The following UBE4B variants were observed in gnomAD, a reference collection of about 807,000 sequenced individuals.
UBE4B encodes the protein ubiquitination factor E4B.
A neutral mutation model predicts 148.1 loss-of-function variants in UBE4B; 27 were observed. That is an observed-to-expected ratio of 0.18 (90% CI 0.13 to 0.25). The LOEUF (loss-of-function observed/expected upper bound fraction) is 0.25, where lower values mean the gene tolerates loss of function less well. Among genes scored for constraint, UBE4B ranks in the 10% least tolerant of loss-of-function variants. The pLI, the probability that UBE4B is intolerant of heterozygous loss-of-function variation, is 1.00. For synonymous variants in UBE4B, 596 were observed against 619.3 expected (o/e 0.96, Z 0.56); for missense variants, 1,170 against 1,662.4 (o/e 0.70, Z 5.15).
chr1:10,111,679 A>C (rs1645224385), intron 7 of UBE4B, among the ~76,000 whole-genome samples: 1 of 152,222 alleles, frequency 6.6e-6, no homozygotes, highest in Admixed American at 6.5e-5. Flanking sequence ...ATGCAAGGCC[A>C]GGCGCGGTGG....
At chr1:10,057,478 G>A (rs1470266105) in intron 1 of UBE4B, among the ~76,000 whole-genome samples, 1 of 144,974 alleles carries the variant, frequency 6.9e-6, no homozygotes. Context: ...GTGCAGTGGC[G>A]TGATCATGAC....
intron 1 of UBE4B, among the ~76,000 whole-genome samples, chr1:10,048,112 G>T (rs1057318949): frequency 1.3e-5 from 2 of 152,124 alleles, no homozygotes. Context: ...GCTTCCCAAG[G>T]CCCTGGGATT....
At chr1:10,175,995 C>T (rs1646424409) in intron 25 of UBE4B, among the ~76,000 whole-genome samples, 1 of 152,158 alleles carries the variant, frequency 6.6e-6, no homozygotes, top group African/African-American at 2.4e-5. Flanking sequence ...TCTAGACCCC[C>T]TTGCCCCAGC....
intron 2 of UBE4B, among the ~76,000 whole-genome samples, chr1:10,088,476 A>G (rs1644797040): frequency 6.6e-6 from 1 of 151,860 alleles, no homozygotes; most frequent in Admixed American, 6.6e-5. Context: ...CCCGGGTTCA[A>G]GAAATTCTCC....
At chr1:10,114,997 G>T (rs1645284012) in intron 7 of UBE4B, among the ~76,000 whole-genome samples, 1 of 152,136 alleles carries the variant, frequency 6.6e-6, no homozygotes, top group Admixed American at 6.6e-5. Context: ...GGAGTTGGCT[G>T]CCTTGTTCCT....
At chr1:10,058,955 A>G (rs949750485) in intron 1 of UBE4B, 3 of 152,206 alleles carry the variant, frequency 2.0e-5, no homozygotes, top group Admixed American at 6.5e-5. Flanking sequence ...CCAGATAAAG[A>G]TCTGCATGCC....
At chr1:10,051,708 G>T (rs1419926364) in intron 1 of UBE4B, among the ~76,000 whole-genome samples, 2 of 152,158 alleles carry the variant, frequency 1.3e-5, no homozygotes, top group African/African-American at 4.8e-5. Flanking sequence ...GCAGAAAGGG[G>T]ACTCGAGGAG....
chr1:10,092,820 CT>C (rs1349310136), intron 2 of UBE4B, among the ~76,000 whole-genome samples: 1 of 150,684 alleles, frequency 6.6e-6, no homozygotes, highest in African/African-American at 2.4e-5. Context: ...AAGAGTGAAA[CT>C]CTATCTCAAA....
intron 23 of UBE4B, among the ~76,000 whole-genome samples, chr1:10,166,752 C>G (rs984937756): frequency 1.3e-5 from 2 of 151,868 alleles, no homozygotes; most frequent in Non-Finnish European, 1.5e-5. Flanking sequence ...GGCGAAACCC[C>G]AATCTTTACC....
intron 3 of UBE4B, among the ~76,000 whole-genome samples, chr1:10,100,080 C>G (rs1420404303): frequency 1.3e-5 from 2 of 151,908 alleles, no homozygotes; most frequent in Non-Finnish European, 2.9e-5. Flanking sequence ...AGCTCTGCCT[C>G]CCGGGTTCAG....
At chr1:10,101,864 ATGAC>A (rs1645017907) in intron 4 of UBE4B, among the ~76,000 whole-genome samples, 1 of 152,132 alleles carries the variant, frequency 6.6e-6, no homozygotes, top group Non-Finnish European at 1.5e-5. Flanking sequence ...TCTGAGGAAA[ATGAC>A]TGGGAATTGA....
intron 1 of UBE4B, among the ~76,000 whole-genome samples, chr1:10,035,594 G>A (rs1467965415): frequency 1.4e-5 from 2 of 147,960 alleles, no homozygotes; most frequent in Non-Finnish European, 3.0e-5. Context: ...TTTTAGTAGA[G>A]ACGGGGTTTC....
At chr1:10,084,834 A>T (rs1234768404) in intron 2 of UBE4B, among the ~76,000 whole-genome samples, 2 of 151,144 alleles carry the variant, frequency 1.3e-5, no homozygotes, top group Non-Finnish European at 2.9e-5. Context: ...AGTAGCTGGG[A>T]TTACAAGCAC....
chr1:10,168,300 G>T lies in UBE4B; in HGVS notation c.3333+30G>T. ...GTAGAAACCCGGGGCTCTGTTTGGT[G>T]GTTTGGACTCCACATTCAGACTCTC... is the stretch of plus-strand genomic sequence containing the variant. On this transcript the variant is annotated intron_variant, in intron 24 of 27. Coordinates refer to ENST00000343090, the MANE Select transcript of UBE4B (RefSeq NM_001105562.3). This position sits in a 1 kb window ranked among gnomAD's most constrained non-coding sequence, Gnocchi z 4.9. The T allele has an allele frequency of 6.2e-7, 1 of 1,610,756 alleles. No homozygotes were observed. Among genetic ancestry groups the T allele is most frequent in the Non-Finnish European group, 8.5e-7 (1 of 1,178,438 alleles).
At chr1:10,085,851 G>A (rs937323181) in intron 2 of UBE4B, among the ~76,000 whole-genome samples, 7 of 151,608 alleles carry the variant, frequency 4.6e-5, no homozygotes, top group Admixed American at 6.6e-5. Context: ...GTACAGTGGC[G>A]CGATTTTGCC....
At chr1:10,042,121 G>A (rs964545732) in intron 1 of UBE4B, among the ~76,000 whole-genome samples, 4 of 152,148 alleles carry the variant, frequency 2.6e-5, no homozygotes, top group African/African-American at 9.7e-5. Context: ...TTTCATTCCC[G>A]TTTGTTATTG....
At chr1:10,095,684 A>G in intron 3 of UBE4B, 88 bp downstream of exon 3, 1 of 1,532,530 alleles carries the variant, frequency 6.5e-7, no homozygotes, top group Non-Finnish European at 8.9e-7. Flanking sequence ...ATAGTCAGAA[A>G]TGCCAGCTAG....
chr1:10,132,016 A>G (rs986772797), intron 14 of UBE4B, among the ~76,000 whole-genome samples: 11 of 150,556 alleles, frequency 7.3e-5, no homozygotes, highest in African/African-American at 2.7e-4. Context: ...TGTAATCCCA[A>G]CTACTCGGGA....
intron 8 of UBE4B, 77 bp from the exon 9 acceptor site, chr1:10,119,436 T>G: frequency 6.8e-7 from 1 of 1,461,196 alleles, no homozygotes; most frequent in South Asian, 1.2e-5. Context: ...GGTCCATCCC[T>G]TTTAACTCTT....
Sources: allele counts gnomAD v4.1 joint callset (sites outside exome capture counted in the v4.1 genomes callset), GRCh38; gene constraint gnomAD v4.1.1; non-coding constraint Gnocchi (gnomAD v3.1); transcripts MANE v1.5; gene names NCBI Gene and HGNC (gene_info 2026-07-23, HGNC 2026-07-21).